CDYL2: variants seen among roughly 807,000 people sequenced by gnomAD.
CDYL2 encodes chromodomain Y-like protein 2.
A neutral mutation model predicts 49.4 loss-of-function variants in CDYL2; 23 were observed. The ratio of observed to expected loss-of-function variants is 0.47; its 90% CI spans 0.34 to 0.66. CDYL2 has a LOEUF of 0.66. CDYL2 is among the 30% of genes least tolerant of loss of function. The pLI, the probability that CDYL2 is intolerant of heterozygous loss-of-function variation, is 0.01. For synonymous variants in CDYL2, 360 were observed against 268.8 expected (o/e 1.34, Z -3.32); for missense variants, 678 against 656.4 (o/e 1.03, Z -0.36).
Position 80,793,086 on chromosome 16 carries a change from G to C in CDYL2, c.24+11064C>G, listed in dbSNP as rs571927813. ...GTGTGTCTCCCAACAGCACTCTTCA[G>C]CAAACCCTCTGGACACAGTTCTCCA... is the stretch of plus-strand genomic sequence containing the variant. On this transcript the variant is annotated intron_variant, in intron 1 of 6. Coordinates refer to ENST00000570137, the MANE Select transcript of CDYL2 (RefSeq NM_152342.4). Among the ~76,000 whole-genome samples, 35 of 152,278 alleles carry C rather than the reference G, an allele frequency of 2.3e-4. 1 individual carries two copies. The South Asian group carries it at 6.8e-3, about 30-fold the overall frequency.
chr16:80,675,453 G>C (rs1369460242), intron 2 of CDYL2, among the ~76,000 whole-genome samples: 1 of 152,172 alleles, frequency 6.6e-6, no homozygotes, highest in African/African-American at 2.4e-5. Flanking sequence ...GTTACCTGCA[G>C]TAAGACCTCA....
intron 1 of CDYL2, among the ~76,000 whole-genome samples, chr16:80,731,283 A>T (rs573140022): frequency 1.3e-5 from 2 of 152,320 alleles, no homozygotes; most frequent in African/African-American, 4.8e-5. Context: ...AGAAGATGAA[A>T]TTGAGGAATC....
intron 2 of CDYL2, among the ~76,000 whole-genome samples, chr16:80,645,959 G>A (rs1908322258): frequency 8.0e-6 from 1 of 125,682 alleles, no homozygotes; most frequent in Admixed American, 1.0e-4. Flanking sequence ...CACAGGAAGG[G>A]GAACATCACA....
At chr16:80,659,433 C>T (rs891932696) in intron 2 of CDYL2, among the ~76,000 whole-genome samples, 2 of 152,000 alleles carry the variant, frequency 1.3e-5, no homozygotes, top group African/African-American at 4.8e-5. Context: ...AAAAGTATTG[C>T]ATCAACGCAA....
intron 5 of CDYL2, among the ~76,000 whole-genome samples, 181 bp from the exon 6 acceptor site, chr16:80,608,416 A>G (rs948182516): frequency 6.6e-6 from 1 of 152,134 alleles, no homozygotes; most frequent in African/African-American, 2.4e-5. Context: ...CGTGTGCATG[A>G]GCAGAAGGTC....
At chr16:80,796,829 A>G (rs1161353774) in intron 1 of CDYL2, among the ~76,000 whole-genome samples, 1 of 152,142 alleles carries the variant, frequency 6.6e-6, no homozygotes, top group African/African-American at 2.4e-5. Flanking sequence ...AAACTCCTCG[A>G]TTCCTCATCA....
At chr16:80,747,940 C>T (rs1905988521) in intron 1 of CDYL2, among the ~76,000 whole-genome samples, 1 of 151,926 alleles carries the variant, frequency 6.6e-6, no homozygotes, top group Admixed American at 6.6e-5. Flanking sequence ...AATTCTCAGG[C>T]AGGATTCTTG....
intron 2 of CDYL2, among the ~76,000 whole-genome samples, chr16:80,682,650 G>T (rs1209832511): frequency 6.6e-6 from 1 of 152,190 alleles, no homozygotes; most frequent in African/African-American, 2.4e-5. Context: ...GCAGGGAGCT[G>T]CTAACAGCTG....
intron 1 of CDYL2, among the ~76,000 whole-genome samples, chr16:80,759,122 A>ATATATATATATATGGTTTT (rs1906431863): frequency 1.6e-5 from 2 of 127,854 alleles, no homozygotes; most frequent in African/African-American, 6.7e-5. Flanking sequence ...ATATATATAT[A>ATATATATATATATGGTTTT]TATATATATA....
intron 2 of CDYL2, among the ~76,000 whole-genome samples, chr16:80,668,130 G>T (rs1354504858): frequency 6.6e-6 from 1 of 152,228 alleles, no homozygotes; most frequent in African/African-American, 2.4e-5. Flanking sequence ...CCATCACAGA[G>T]GAACAGTTAA....
intron 1 of CDYL2, among the ~76,000 whole-genome samples, chr16:80,701,329 C>T (rs1364220941): frequency 6.6e-6 from 1 of 152,144 alleles, no homozygotes; most frequent in East Asian, 1.9e-4. Context: ...CAATGGTTTT[C>T]TCTAAGGCAG....
chr16:80,654,907 G>C (rs1275336886), intron 2 of CDYL2, among the ~76,000 whole-genome samples: 2 of 151,888 alleles, frequency 1.3e-5, no homozygotes, highest in African/African-American at 4.8e-5. Flanking sequence ...CTTGTGTAGA[G>C]GGAGTTGTTC....
At chr16:80,691,871 A>C (rs1910429288) in intron 1 of CDYL2, among the ~76,000 whole-genome samples, 1 of 152,208 alleles carries the variant, frequency 6.6e-6, no homozygotes, top group African/African-American at 2.4e-5. Flanking sequence ...AAAGGATGTA[A>C]AGGAATCAAA....
At position 80,641,566 on chromosome 16, in the gene CDYL2, C is replaced by CAT. The variant is rs1908088199; in HGVS notation, c.617-8332_617-8331dup. ...TATACACCGTGGAATACTAAGCAGC[C>CAT]ATAAAAAATGAAGAGTTCATGTCCT... is the stretch of plus-strand genomic sequence containing the variant. On this transcript the variant is annotated intron_variant, in intron 2 of 6. Coordinates refer to ENST00000570137, the MANE Select transcript of CDYL2 (RefSeq NM_152342.4). Among the ~76,000 whole-genome samples, 5 of 152,024 alleles carry CAT rather than the reference C, an allele frequency of 3.3e-5. 2 individuals carry two copies. The highest frequency in any genetic ancestry group is 2.6e-4 in the Admixed American group (4 of 15,270).
At chr16:80,704,919 G>A (rs1019709293) in intron 1 of CDYL2, among the ~76,000 whole-genome samples, 1 of 152,202 alleles carries the variant, frequency 6.6e-6, no homozygotes, top group Admixed American at 6.5e-5. Flanking sequence ...AAGCCACCCA[G>A]GGGTATGGCA....
Position 80,604,133 on chromosome 16 carries a change from C to T in CDYL2, c.*255G>A. 1.9e-6 allele frequency: 1 copy of T among 524,184 alleles called. No individual in the cohort carries two copies. The highest frequency in any genetic ancestry group is 3.4e-6 in the Non-Finnish European group (1 of 291,256). 32.5% of individuals were successfully genotyped at this position (524,184 alleles called of 1,614,324 possible). ...GAAAGGACAGCGGTGCTTGGCGGAG[C>T]CCTGGGAAGATACAGCCTTGGACAG... On this transcript the variant is annotated 3_prime_UTR_variant, in exon 7 of 7. Coordinates refer to ENST00000570137, the MANE Select transcript of CDYL2 (RefSeq NM_152342.4).
At chr16:80,620,225 G>A (rs753180994) in intron 4 of CDYL2, among the ~76,000 whole-genome samples, 3 of 152,170 alleles carry the variant, frequency 2.0e-5, no homozygotes, top group Non-Finnish European at 4.4e-5. Context: ...GGATGTCACC[G>A]CCAGGATCCC....
At position 80,804,134 on chromosome 16, in the gene CDYL2, C is replaced by T. The variant is rs1403071808; in HGVS notation, c.24+16G>A. The T allele has an allele frequency of 1.7e-6, 2 of 1,188,950 alleles. No homozygotes were observed. Among genetic ancestry groups the T allele is most frequent in the South Asian group, 3.7e-5 (2 of 53,858 alleles). 73.7% of individuals were successfully genotyped at this position (1,188,950 alleles called of 1,614,324 possible). ...CCCGCTGACTGGGGCCGGCCCGCGCCCCCGCGTCCCCGTACCTCGTAAAGG... is the reference window on the plus strand; with the variant it reads ...CCCGCTGACTGGGGCCGGCCCGCGCTCCCGCGTCCCCGTACCTCGTAAAGG... On this transcript the variant is annotated intron_variant, in intron 1 of 6. Transcript: ENST00000570137.
At position 80,612,924 on chromosome 16, in the gene CDYL2, A is replaced by C. The variant is rs901262345; in HGVS notation, c.1008-88T>G. ...CTTGACTCTCCCAGGTGCTGTGAGG[A>C]GCACCCTCAGGTCGTCAGAGGTTAG... On this transcript the variant is annotated intron_variant, in intron 4 of 6. Transcript: ENST00000570137. The surrounding 1 kb of genome is among the most constrained non-coding windows in gnomAD (Gnocchi z 5.0). 1.1e-5 allele frequency: 14 copies of C among 1,251,358 alleles called. No homozygotes were observed. In the Admixed American group the frequency reaches 3.5e-4, roughly 31 times the overall value. 77.5% of individuals were successfully genotyped at this position (1,251,358 alleles called of 1,614,324 possible).
Sources: gnomAD v4.1 joint callset for allele counts (sites outside exome capture counted in the v4.1 genomes callset) on GRCh38, gnomAD v4.1.1 for gene constraint, Gnocchi (gnomAD v3.1) non-coding constraint, MANE v1.5 for transcripts, NCBI Gene and HGNC (gene_info 2026-07-23, HGNC 2026-07-21) for gene names.